Variants in ADCY9 observed in about 807,000 individuals in gnomAD.
The protein encoded by ADCY9 is adenylate cyclase 9, also known as adenylate cyclase type 9.
Under a neutral mutation model 101.5 loss-of-function variants are expected in ADCY9, and 50 were observed. The ratio of observed to expected loss-of-function variants is 0.49; its 90% CI spans 0.39 to 0.62. The LOEUF is 0.62. Among genes scored for constraint, ADCY9 ranks in the 20% least tolerant of loss-of-function variants. ADCY9 has a pLI of 0.00. For missense variants in ADCY9, 1,662 were observed against 1,800.4 expected, an observed-to-expected ratio of 0.92 and a Z score of 1.39; for synonymous variants, 905 against 769.3, an observed-to-expected ratio of 1.18 and a Z score of -2.92.
At chr16:4,111,994 C>T (rs753237404) in intron 2 of ADCY9, among the ~76,000 whole-genome samples, 15 of 152,020 alleles carry the variant, frequency 9.9e-5, no homozygotes, top group Non-Finnish European at 1.9e-4. Flanking sequence ...TTTTGAAATT[C>T]GAGTAATACA....
chr16:4,030,213 G>T (rs1299542870), intron 2 of ADCY9, among the ~76,000 whole-genome samples: 1 of 152,160 alleles, frequency 6.6e-6, no homozygotes, highest in Non-Finnish European at 1.5e-5. Flanking sequence ...CAGTACGTAA[G>T]TATTCACAGG....
intron 2 of ADCY9, among the ~76,000 whole-genome samples, chr16:4,098,616 C>T (rs56944644): frequency 0.028 from 4,264 of 152,186 alleles, 235 homozygotes; most frequent in African/African-American, 0.097. Flanking sequence ...ATTCCCAGCA[C>T]TAGGAACACA....
intron 2 of ADCY9, among the ~76,000 whole-genome samples, chr16:4,040,078 ACCATTGAGCTTAACACG>A (rs1185942482): frequency 6.6e-6 from 1 of 152,032 alleles, no homozygotes; most frequent in Non-Finnish European, 1.5e-5. Context: ...AGAAGAGAAG[ACCATTGAGCTTAACACG>A]CCTTTTCATA....
chr16:4,052,149 C>T (rs2056705749), intron 2 of ADCY9, among the ~76,000 whole-genome samples: 1 of 152,112 alleles, frequency 6.6e-6, no homozygotes, highest in African/African-American at 2.4e-5. Flanking sequence ...CAGCCCAAAC[C>T]GAGGGACATT....
intron 2 of ADCY9, among the ~76,000 whole-genome samples, chr16:4,034,124 G>A (rs537969150): frequency 3.9e-5 from 6 of 152,288 alleles, no homozygotes; most frequent in East Asian, 1.9e-4. Context: ...ACGTGCATGA[G>A]CCACAGTGCA....
intron 2 of ADCY9, among the ~76,000 whole-genome samples, chr16:4,104,740 T>A (rs1182016910): frequency 6.6e-6 from 1 of 152,232 alleles, no homozygotes; most frequent in Admixed American, 6.5e-5. Flanking sequence ...TACACATTTT[T>A]CAACATATTG....
intron 5 of ADCY9, among the ~76,000 whole-genome samples, chr16:3,955,264 C>G (rs2055901166): frequency 6.6e-6 from 1 of 151,572 alleles, no homozygotes; most frequent in Admixed American, 6.6e-5. Context: ...GTGGCTCACG[C>G]CTGTCATCCC....
chr16:4,097,320 G>C (rs912190610), intron 2 of ADCY9, among the ~76,000 whole-genome samples: 1 of 151,322 alleles, frequency 6.6e-6, no homozygotes, highest in Non-Finnish European at 1.5e-5. Context: ...AAGACCCTCC[G>C]GAGCCTCTAT....
intron 7 of ADCY9, among the ~76,000 whole-genome samples, chr16:3,980,285 A>T (rs2056130132): frequency 6.6e-6 from 1 of 152,180 alleles, no homozygotes; most frequent in Non-Finnish European, 1.5e-5. Flanking sequence ...TGACACAATA[A>T]AAGTTTCTGT....
At chr16:4,090,804 C>T (rs1597219582) in intron 2 of ADCY9, among the ~76,000 whole-genome samples, 1 of 151,824 alleles carries the variant, frequency 6.6e-6, no homozygotes, top group African/African-American at 2.4e-5. Flanking sequence ...TGTTGCCAAG[C>T]CTCATGCCAA....
chr16:4,015,397 G>C (rs142577935), intron 2 of ADCY9, among the ~76,000 whole-genome samples: 1 of 151,934 alleles, frequency 6.6e-6, no homozygotes, highest in Admixed American at 6.6e-5. Flanking sequence ...TTACTAGCAC[G>C]AGCCTTCACA....
chr16:4,094,925 A>G (rs1225736138), intron 2 of ADCY9, among the ~76,000 whole-genome samples: 3 of 152,202 alleles, frequency 2.0e-5, no homozygotes, highest in Non-Finnish European at 2.9e-5. Context: ...ATGCTTCTGA[A>G]TGAAAAAAAT....
At chr16:4,113,033 C>A (rs967095734) in intron 2 of ADCY9, among the ~76,000 whole-genome samples, 1 of 151,982 alleles carries the variant, frequency 6.6e-6, no homozygotes, top group Admixed American at 6.6e-5. Flanking sequence ...ACCAGCTCTC[C>A]GGCAGGTACG....
rs549203214 is a variant in ADCY9, at chr16:4,032,303, A to C, written c.1694-24745T>G. ...GACTCCATCTCAAAAAAAAAAAGAA[A>C]GAACGAAAGAAAGAAAACCAAGAAG... is the stretch of plus-strand genomic sequence containing the variant. On this transcript the variant is annotated intron_variant, in intron 2 of 10. Coordinates refer to ENST00000294016, the MANE Select transcript of ADCY9 (RefSeq NM_001116.4). Among the ~76,000 whole-genome samples the C allele has an allele frequency of 1.4e-4, 21 of 151,896 alleles. No individual in the cohort carries two copies. The South Asian group carries it at 2.5e-3, about 18-fold the overall frequency.
intron 2 of ADCY9, among the ~76,000 whole-genome samples, chr16:4,084,160 G>A (rs555069248): frequency 2.0e-5 from 3 of 152,216 alleles, no homozygotes; most frequent in East Asian, 1.9e-4. Flanking sequence ...CACCCAGGCT[G>A]GAATGCAGTG....
chr16:3,983,710 C>T (rs2056166327), intron 6 of ADCY9: 1 of 482,554 alleles, frequency 2.1e-6, no homozygotes, highest in Admixed American at 3.4e-5. Context: ...AGGAGGGTCG[C>T]TGGAGCCCAG....
At chr16:3,990,899 A>G (rs1424922258) in intron 5 of ADCY9, among the ~76,000 whole-genome samples, 1 of 152,210 alleles carries the variant, frequency 6.6e-6, no homozygotes, top group Non-Finnish European at 1.5e-5. Flanking sequence ...TCCTGGGTTC[A>G]AGCGATTCTC....
intron 2 of ADCY9, among the ~76,000 whole-genome samples, chr16:4,043,164 G>A (rs2056639181): frequency 6.6e-6 from 1 of 152,142 alleles, no homozygotes; most frequent in African/African-American, 2.4e-5. Context: ...CCGGGAGGCG[G>A]AGCTTGCAGT....
At chr16:4,105,378 T>C (rs940966972) in intron 2 of ADCY9, among the ~76,000 whole-genome samples, 2 of 151,918 alleles carry the variant, frequency 1.3e-5, no homozygotes, top group Admixed American at 6.6e-5. Flanking sequence ...CTACAAATAA[T>C]TTTTAAAATT....
Sources: gnomAD v4.1 joint callset for allele counts (sites outside exome capture counted in the v4.1 genomes callset) on GRCh38, gnomAD v4.1.1 for gene constraint, MANE v1.5 for transcripts, NCBI Gene and HGNC (gene_info 2026-07-23, HGNC 2026-07-21) for gene names.